Variants in SMYD3 observed in about 807,000 individuals in gnomAD.
SMYD3 encodes the protein SET and MYND domain containing 3, also known as histone-lysine N-methyltransferase SMYD3.
Under a neutral mutation model 57.7 loss-of-function variants are expected in SMYD3, and 36 were observed. That is an observed-to-expected ratio of 0.62 (90% CI 0.48 to 0.82). The LOEUF (loss-of-function observed/expected upper bound fraction) is 0.82. Ranked by LOEUF, SMYD3 falls within the 40% of genes least tolerant of loss-of-function variation. The probability of loss-of-function intolerance (pLI) is 0.00; values close to 1 mark genes in which losing one functional copy is unlikely to be tolerated. For missense variants in SMYD3, 515 were observed against 538.8 expected (o/e 0.96, Z 0.44); for synonymous variants, 211 against 195.0 (o/e 1.08, Z -0.68).
At chr1:246,301,660 G>A (rs73142878) in intron 5 of SMYD3, among the ~76,000 whole-genome samples, 6,085 of 152,168 alleles carry the variant, frequency 0.04, 409 homozygotes, top group African/African-American at 0.14. Flanking sequence ...CATCTCCTAA[G>A]CTTTACAATC....
At chr1:246,239,384 G>A (rs185250392) in intron 5 of SMYD3, among the ~76,000 whole-genome samples, 34 of 152,244 alleles carry the variant, frequency 2.2e-4, no homozygotes, top group African/African-American at 6.3e-4. Flanking sequence ...TGCTAAGAAT[G>A]ATGGTTTCCA....
chr1:245,802,807 GA>G (rs1192594993), intron 10 of SMYD3, among the ~76,000 whole-genome samples: 2 of 152,236 alleles, frequency 1.3e-5, no homozygotes, highest in Admixed American at 6.5e-5. Flanking sequence ...TCGGAAGACA[GA>G]ACCAGACTGG....
chr1:245,838,031 C>CT (rs1158962974), intron 10 of SMYD3, among the ~76,000 whole-genome samples: 5 of 152,078 alleles, frequency 3.3e-5, no homozygotes, highest in Non-Finnish European at 7.3e-5. Context: ...TGATCTCTGA[C>CT]TTTTTTTTCC....
intron 5 of SMYD3, among the ~76,000 whole-genome samples, chr1:246,022,243 T>C (rs2148230261): frequency 6.6e-6 from 1 of 152,310 alleles, no homozygotes; most frequent in Admixed American, 6.5e-5. Context: ...ACCAGGTTGG[T>C]TCTCAAACAT....
chr1:246,445,650 TACAGCTGTTAAGA>T (rs2067541533), intron 1 of SMYD3, among the ~76,000 whole-genome samples: 1 of 152,170 alleles, frequency 6.6e-6, no homozygotes, highest in Non-Finnish European at 1.5e-5. Context: ...AGAAAACCCC[TACAGCTGTTAAGA>T]CAGTCTTTTG....
rs201264853 is a variant in SMYD3, at chr1:246,339,755, C to T, written c.229-4281G>A. On this transcript the variant is annotated intron_variant, in intron 2 of 11. Transcript: ENST00000490107. ...GAGGTGGGGTCGTTCAGTAGCACAGCGCTCACGAACGGATTCATGTCACTA... is the reference window on the plus strand; with the variant it reads ...GAGGTGGGGTCGTTCAGTAGCACAGTGCTCACGAACGGATTCATGTCACTA... Among the ~76,000 whole-genome samples, 28 of 152,276 alleles carry T rather than the reference C, an allele frequency of 1.8e-4. No individual in the cohort carries two copies. In the East Asian group the frequency reaches 5.0e-3, roughly 27 times the overall value.
Position 246,188,605 on chromosome 1 carries a change from A to T in SMYD3, c.531+138596T>A, listed in dbSNP as rs542786114. On this transcript the variant is annotated intron_variant, in intron 5 of 11. Coordinates refer to ENST00000490107, the MANE Select transcript of SMYD3 (RefSeq NM_001167740.2). ...CAAGTTACTAACATTTGTGGTTGAC[A>T]TTTTTTTTTTTAATATCTATGTTAA... Among the ~76,000 whole-genome samples, 414 of 147,550 alleles carry T rather than the reference A, an allele frequency of 2.8e-3. 1 individual carries two copies. Among genetic ancestry groups the T allele is most frequent in the South Asian group, 8.7e-3 (40 of 4,614 alleles).
At chr1:246,503,954 TAAAAAAA>T (rs55709330) in intron 1 of SMYD3, among the ~76,000 whole-genome samples, 7,477 of 128,404 alleles carry the variant, frequency 0.058, 269 homozygotes, top group African/African-American at 0.11. Context: ...AACTCCATCT[TAAAAAAA>T]AAAAAAAAAA....
chr1:246,002,485 ATT>A (rs1418274279), intron 5 of SMYD3, among the ~76,000 whole-genome samples: 1 of 60,218 alleles, frequency 1.7e-5, no homozygotes, highest in Non-Finnish European at 3.6e-5. Flanking sequence ...CGCCCGGCTA[ATT>A]TTTTGTATTT....
At chr1:246,417,015 G>C (rs907503006) in intron 1 of SMYD3, among the ~76,000 whole-genome samples, 1 of 152,170 alleles carries the variant, frequency 6.6e-6, no homozygotes, top group Non-Finnish European at 1.5e-5. Context: ...TCAGAGGGCA[G>C]CTTTGAGACA....
At chr1:246,005,473 TA>T in intron 5 of SMYD3, among the ~76,000 whole-genome samples, 1 of 152,330 alleles carries the variant, frequency 6.6e-6, no homozygotes, top group Admixed American at 6.5e-5. Flanking sequence ...TTTGCTCATC[TA>T]AAATGCGGAT....
Position 245,764,147 on chromosome 1 carries a change from A to T in SMYD3, c.1079T>A (p.Ile360Asn), listed in dbSNP as rs2045971299. 1 of 1,612,952 alleles carries T rather than the reference A, an allele frequency of 6.2e-7. No homozygotes were observed. Among genetic ancestry groups the T allele is most frequent in the East Asian group, 2.2e-5 (1 of 44,890 alleles). Residue 360 changes from isoleucine to asparagine, a missense_variant and splice_region_variant, in exon 11 of 12, where the codon ATT becomes AAT. Transcript: ENST00000490107. ...GACGGGATGGCTTCCTGGGAAAAAA[A>T]TCCTGGAAGAAACCAAACGGCAAAC... ...YGTRTMEPYRIFFPGSHPVRG... is the reference protein window; with the variant it reads ...YGTRTMEPYRNFFPGSHPVRG...
At chr1:246,051,147 T>C (rs1157369211) in intron 5 of SMYD3, among the ~76,000 whole-genome samples, 1 of 151,432 alleles carries the variant, frequency 6.6e-6, no homozygotes. Context: ...TTTTTTTTTT[T>C]TGAGACAAGG....
chr1:245,854,096 A>G (rs759558719), intron 10 of SMYD3, among the ~76,000 whole-genome samples: 13 of 152,226 alleles, frequency 8.5e-5, no homozygotes, highest in Admixed American at 3.3e-4. Flanking sequence ...AACAAAATTA[A>G]TATCAACAAA....
intron 10 of SMYD3, among the ~76,000 whole-genome samples, chr1:245,785,609 G>T (rs1258693082): frequency 6.6e-6 from 1 of 152,036 alleles, no homozygotes; most frequent in East Asian, 1.9e-4. Context: ...TTTCTTTCAA[G>T]AGACAGGGCA....
intron 10 of SMYD3, among the ~76,000 whole-genome samples, chr1:245,794,266 T>A (rs1234262147): frequency 1.3e-5 from 2 of 152,244 alleles, no homozygotes; most frequent in African/African-American, 4.8e-5. Context: ...ACATTCTTTT[T>A]AAAAAATTAT....
chr1:245,925,816 A>G (rs1347633158), intron 7 of SMYD3, among the ~76,000 whole-genome samples: 1 of 152,218 alleles, frequency 6.6e-6, no homozygotes, highest in Non-Finnish European at 1.5e-5. Flanking sequence ...TGTGCCAAAA[A>G]TGTATTAATA....
intron 5 of SMYD3, among the ~76,000 whole-genome samples, chr1:245,944,012 C>T (rs1344043253): frequency 6.6e-6 from 1 of 152,096 alleles, no homozygotes; most frequent in African/African-American, 2.4e-5. Flanking sequence ...CCATATATGA[C>T]AAACCCACCC....
At chr1:245,771,902 T>C (rs2046354652) in intron 10 of SMYD3, among the ~76,000 whole-genome samples, 1 of 152,116 alleles carries the variant, frequency 6.6e-6, no homozygotes, top group South Asian at 2.1e-4. Context: ...CCCACAGTCA[T>C]GAAACCACCT....
Sources: gnomAD v4.1 joint callset for allele counts (sites outside exome capture counted in the v4.1 genomes callset) on GRCh38, gnomAD v4.1.1 for gene constraint, MANE v1.5 for transcripts, NCBI Gene and HGNC (gene_info 2026-07-23, HGNC 2026-07-21) for gene names.